Variants in SLC9A8 observed in about 807,000 individuals in gnomAD.
The protein encoded by SLC9A8 is solute carrier family 9 member A8, also known as sodium/hydrogen exchanger 8.
Under a neutral mutation model 66.6 loss-of-function variants are expected in SLC9A8, and 48 were observed. The ratio of observed to expected loss-of-function variants is 0.72; its 90% CI spans 0.57 to 0.92. The LOEUF is 0.92. Among genes scored for constraint, SLC9A8 ranks in the 40% least tolerant of loss-of-function variants. The pLI is 0.00. For synonymous variants in SLC9A8, 274 were observed against 282.6 expected, an observed-to-expected ratio of 0.97 and a Z score of 0.31; for missense variants, 599 against 747.3, an observed-to-expected ratio of 0.80 and a Z score of 2.31.
chr20:49,864,768 G>C lies in SLC9A8; in HGVS notation c.882G>C (p.Thr294=). Reference sequence around the variant, plus strand: ...TGAAGCATATTGACTTGAGGAAAACGCCTTCCTTGGAGTTTGGCATGATGA... The same window carrying C: ...TGAAGCATATTGACTTGAGGAAAACCCCTTCCTTGGAGTTTGGCATGATGA... ...LVLKHIDLRK[T]PSLEFGMMII... The change falls in exon 10 of 16, where the codon ACG becomes ACC. Residue 294 remains threonine, a synonymous_variant. Transcript: ENST00000361573. 6.2e-7 allele frequency: 1 copy of C among 1,614,112 alleles called. No individual in the cohort carries two copies. Among genetic ancestry groups the C allele is most frequent in the South Asian group, 1.1e-5 (1 of 91,080 alleles).
Position 49,886,683 on chromosome 20 carries a change from G to A in SLC9A8, c.1492-69G>A, listed in dbSNP as rs1011446083. The A allele has an allele frequency of 6.4e-7, 1 of 1,565,544 alleles. No individual in the cohort carries two copies. The highest frequency in any genetic ancestry group is 1.4e-5 in the African/African-American group (1 of 73,902). ...GACACTGGCGGCCTGGGTGGTGTGG[G>A]GGCTTCCAGGAGGTGCCCCCCGATG... On this transcript the variant is annotated intron_variant, in intron 14 of 15. Transcript: ENST00000361573. This position sits in a 1 kb window ranked among gnomAD's most constrained non-coding sequence, Gnocchi z 4.8.
intron 3 of SLC9A8, among the ~76,000 whole-genome samples, chr20:49,831,651 A>G (rs1337265221): frequency 6.6e-6 from 1 of 152,226 alleles, no homozygotes; most frequent in African/African-American, 2.4e-5. Flanking sequence ...ACTTGGGCCC[A>G]GATGAGCCAG....
At chr20:49,875,056 T>G (rs967763178) in intron 11 of SLC9A8, among the ~76,000 whole-genome samples, 1 of 152,052 alleles carries the variant, frequency 6.6e-6, no homozygotes, top group African/African-American at 2.4e-5. Context: ...CCAAAAATAG[T>G]GAGAACCAAT....
chr20:49,874,086 C>G (rs1252303708), intron 10 of SLC9A8, among the ~76,000 whole-genome samples: 1 of 152,076 alleles, frequency 6.6e-6, no homozygotes, highest in Non-Finnish European at 1.5e-5. Context: ...CTCTTCTCTA[C>G]TAAAAATACA....
At chr20:49,855,368 C>A in intron 7 of SLC9A8, 70 bp from the exon 8 acceptor site, 1 of 1,479,554 alleles carries the variant, frequency 6.8e-7, no homozygotes, top group Non-Finnish European at 9.4e-7. Context: ...TGGCCTTTGA[C>A]TTTAATGCTT....
Position 49,887,853 on chromosome 20 carries a change from A to G in SLC9A8, c.1663A>G (p.Met555Val), listed in dbSNP as rs1324858662. Residue 555 changes from methionine to valine, a missense_variant, in exon 16 of 16, where the codon ATG (methionine) becomes GTG (valine). Transcript: ENST00000361573. ...GGACCTGCACCACGGGCGCATCCAG[A>G]TGAAAACTCTCACCAACAAGTGGTA... ...QEDLHHGRIQMKTLTNKWYEE... is the reference protein window; with the variant it reads ...QEDLHHGRIQVKTLTNKWYEE... The G allele has an allele frequency of 4.3e-6, 7 of 1,612,230 alleles. No individual in the cohort carries two copies. The highest frequency in any genetic ancestry group is 2.2e-5 in the East Asian group (1 of 44,826).
In SLC9A8 at chr20:49,874,779, A is replaced by C. The variant is rs778151112; in HGVS notation, c.1033A>C (p.Ile345Leu). The change falls in exon 11 of 16, where the codon ATC becomes CTC. Residue 345 changes from isoleucine (I) to leucine (L), a missense_variant. Ile to Leu is a conservative substitution (Grantham distance 5). Coordinates refer to ENST00000361573, the MANE Select transcript of SLC9A8 (RefSeq NM_015266.3). ...THHNLSPVTQ[I>L]LMQQTLRTVA... ...CCATAACCTCTCCCCAGTCACCCAG[A>C]TCCTCATGCAGCAGACCCTCCGCAC... 4.3e-6 allele frequency: 7 copies of C among 1,613,806 alleles called. No homozygotes were observed. The Admixed American group carries it at 6.7e-5, about 15-fold the overall frequency.
chr20:49,814,594 T>A (rs192402578), intron 1 of SLC9A8, among the ~76,000 whole-genome samples: 1 of 152,244 alleles, frequency 6.6e-6, no homozygotes, highest in African/African-American at 2.4e-5. Context: ...CTGGGCAAAT[T>A]GAGGTGGCTT....
intron 2 of SLC9A8, among the ~76,000 whole-genome samples, chr20:49,821,511 C>T (rs1007147559): frequency 9.2e-5 from 14 of 152,176 alleles, no homozygotes; most frequent in African/African-American, 3.4e-4. Flanking sequence ...ATTTACAACA[C>T]TCTGGCCACC....
intron 7 of SLC9A8, among the ~76,000 whole-genome samples, chr20:49,852,209 C>G (rs2088282902): frequency 6.6e-6 from 1 of 152,216 alleles, no homozygotes; most frequent in African/African-American, 2.4e-5. Context: ...AGTGGGAGAA[C>G]ACACCCTGTA....
At chr20:49,818,475 T>C (rs1038180013) in intron 2 of SLC9A8, among the ~76,000 whole-genome samples, 24 of 151,648 alleles carry the variant, frequency 1.6e-4, no homozygotes, top group Non-Finnish European at 3.2e-4. Context: ...TATCCAAACA[T>C]TGAATTTTTT....
chr20:49,874,846 T>G lies in SLC9A8; in HGVS notation c.1075+25T>G, dbSNP rs60694486. The G allele has an allele frequency of 1.9e-5, 28 of 1,454,384 alleles. No homozygotes were observed. The South Asian group carries it at 3.2e-4, about 17-fold the overall frequency. 90.1% of individuals were successfully genotyped at this position (1,454,384 alleles called of 1,614,324 possible). A position where few individuals can be genotyped will look rare whatever the true frequency, so the allele number is the denominator to read the frequency against. On this transcript the variant is annotated intron_variant, in intron 11 of 15. Transcript: ENST00000361573. Reference sequence around the variant, plus strand: ...GGTGAGTTCTGCTTCTGTGTGGCCGTGAGCAGGCCCACCCAGAGCTGATCT... The same window carrying G: ...GGTGAGTTCTGCTTCTGTGTGGCCGGGAGCAGGCCCACCCAGAGCTGATCT...
intron 2 of SLC9A8, among the ~76,000 whole-genome samples, chr20:49,816,232 C>T (rs913975720): frequency 6.6e-6 from 1 of 151,960 alleles, no homozygotes; most frequent in African/African-American, 2.4e-5. Flanking sequence ...CCAGCCTGGC[C>T]AACATGGTGA....
rs548248496 is a variant in SLC9A8, at chr20:49,884,474, G to C, written c.1491+408G>C. Among the ~76,000 whole-genome samples, 17 of 152,116 alleles carry C rather than the reference G, an allele frequency of 1.1e-4. No homozygotes were observed. In the South Asian group the frequency reaches 2.9e-3, roughly 26 times the overall value. On this transcript the variant is annotated intron_variant, in intron 14 of 15. Transcript: ENST00000361573. ...GGACGACCCCATCTGCTCCCTCTCT[G>C]AAGCTCCATGGGGCACCACAGGAGT... is the stretch of plus-strand genomic sequence containing the variant.
In SLC9A8 at chr20:49,845,083, C is replaced by T. The variant is rs1260362616; in HGVS notation, c.396C>T (p.Pro132=). 3 of 1,613,420 alleles carry T rather than the reference C, an allele frequency of 1.9e-6. No homozygotes were observed. The South Asian group carries it at 3.3e-5, about 18-fold the overall frequency. Residue 132 remains proline, a synonymous_variant, in exon 5 of 16, where the codon CCC becomes CCT. Transcript: ENST00000361573. ...ACATGTTTTTCCTCCTCCTGCTTCC[C>T]CCTATTATCTTTGAGTCTGGATATT... ...RPNMFFLLLL[P]PIIFESGYSL... is the part of the protein sequence containing the mutation.
intron 12 of SLC9A8, among the ~76,000 whole-genome samples, chr20:49,878,786 G>C (rs530780): frequency 0.38 from 57,474 of 152,048 alleles, 12,023 homozygotes; most frequent in East Asian, 0.68. Context: ...TTGGGAGGCC[G>C]AGGCTGGCGG....
chr20:49,850,302 A>G (rs1238962099), intron 6 of SLC9A8, among the ~76,000 whole-genome samples: 1 of 152,230 alleles, frequency 6.6e-6, no homozygotes, highest in African/African-American at 2.4e-5. Flanking sequence ...GTTTTGTATT[A>G]TGCATGTCCA....
At chr20:49,848,780 T>C (rs2088119028) in intron 5 of SLC9A8, among the ~76,000 whole-genome samples, 1 of 152,148 alleles carries the variant, frequency 6.6e-6, no homozygotes, top group East Asian at 1.9e-4. Context: ...GAAAAAGGAA[T>C]ATCTGATAGT....
Position 49,886,782 on chromosome 20 carries a change from G to C in SLC9A8, c.1522G>C (p.Glu508Gln). 1 of 1,614,160 alleles carries C rather than the reference G, an allele frequency of 6.2e-7. No individual in the cohort carries two copies. Among genetic ancestry groups the C allele is most frequent in the South Asian group, 1.1e-5 (1 of 91,074 alleles). Residue 508 changes from glutamate (E) to glutamine (Q), a missense_variant, in exon 15 of 16, where the codon GAG (glutamate) becomes CAG (glutamine). Coordinates refer to ENST00000361573, the MANE Select transcript of SLC9A8 (RefSeq NM_015266.3). This position sits in a 1 kb window ranked among gnomAD's most constrained non-coding sequence, Gnocchi z 4.8. The stretch of plus-strand genomic sequence containing the variant: ...CACTGTGGAGTCGGAGCACCTGTCG[G>C]AGCTCACGGAGGAGGAGTACGAGGC... ...GNTVESEHLSELTEEEYEAHY... is the reference protein window; with the variant it reads ...GNTVESEHLSQLTEEEYEAHY...
Sources: allele counts gnomAD v4.1 joint callset (sites outside exome capture counted in the v4.1 genomes callset), GRCh38; gene constraint gnomAD v4.1.1; non-coding constraint Gnocchi (gnomAD v3.1); transcripts MANE v1.5; gene names NCBI Gene and HGNC (gene_info 2026-07-23, HGNC 2026-07-21).